The following KIF7 variants were observed in gnomAD, a reference collection of about 807,000 sequenced individuals.
KIF7 encodes the protein kinesin family member 7, also known as kinesin-like protein KIF7.
A neutral mutation model predicts 135.7 loss-of-function variants in KIF7; 104 were observed. The ratio of observed to expected loss-of-function variants is 0.77; its 90% CI spans 0.65 to 0.90. The LOEUF is 0.90. KIF7 is among the 40% of genes least tolerant of loss of function. KIF7 has a pLI of 0.00. For synonymous variants in KIF7, 883 were observed against 809.4 expected, an observed-to-expected ratio of 1.09 and a Z score of -1.54; for missense variants, 2,005 against 1,839.1, an observed-to-expected ratio of 1.09 and a Z score of -1.65.
At chr15:89,618,745 G>GC (rs1963375851) in intron 1 of KIF7, among the ~76,000 whole-genome samples, 1 of 152,210 alleles carries the variant, frequency 6.6e-6, no homozygotes, top group Admixed American at 6.5e-5. Flanking sequence ...AGGATCACTG[G>GC]CCAGGAGTTT....
chr15:89,622,304 C>CCCA (rs1261606915), intron 1 of KIF7, among the ~76,000 whole-genome samples: 2 of 151,842 alleles, frequency 1.3e-5, no homozygotes. Context: ...GACTCTTGTA[C>CCCA]CCACCCCCTC....
Position 89,649,014 on chromosome 15 carries a change from G to C in KIF7, c.883C>G (p.Arg295Gly). Residue 295 changes from arginine to glycine, a missense_variant, in exon 4 of 19, where the codon CGG (arginine) becomes GGG (glycine). Coordinates refer to ENST00000394412, the MANE Select transcript of KIF7 (RefSeq NM_198525.3). Reference protein sequence around the residue: ...VISALGDPQRRGSHIPYRDSK... With the variant: ...VISALGDPQRGGSHIPYRDSK... ...TCGCGGTAGGGTATGTGGCTGCCCC[G>C]GCGCTGAGGGTCCCCCAGGGCGCTG... The C allele has an allele frequency of 6.5e-7, 1 of 1,547,444 alleles. No individual in the cohort carries two copies. The highest frequency in any genetic ancestry group is 8.7e-7 in the Non-Finnish European group (1 of 1,146,418).
At position 89,648,253 on chromosome 15, in the gene KIF7, A is replaced by G. The variant is rs751900799; in HGVS notation, c.1443+2T>C. ...CACAACCACAACCTGTCCCTCGGCC[A>G]CCTTTCGCCCGCCGGCCCCCTGCGC... is the stretch of plus-strand genomic sequence containing the variant. On this transcript the variant is annotated splice_donor_variant, in intron 5 of 18. Transcript: ENST00000394412. LOFTEE classifies it high-confidence loss of function. 8.6e-6 allele frequency: 13 copies of G among 1,511,018 alleles called. No homozygotes were observed. The African/African-American group carries it at 1.7e-4, about 19-fold the overall frequency. 93.6% of individuals were successfully genotyped at this position (1,511,018 alleles called of 1,614,324 possible).
At chr15:89,625,502 G>T, downstream of KIF7, 1 of 1,613,916 alleles carries the variant, frequency 6.2e-7, no homozygotes. Context: ...AGCATCCACA[G>T]GACGCCCATC....
chr15:89,633,001 G>C lies in KIF7; in HGVS notation c.2719-5C>G. 8.9e-7 allele frequency: 1 copy of C among 1,119,332 alleles called. No individual in the cohort carries two copies. The highest frequency in any genetic ancestry group is 2.0e-4 in the Middle Eastern group (1 of 4,886). The allele number at this position is 1,119,332 out of a possible 1,614,324, so 69.3% of individuals were successfully genotyped here. ...CTTCTTCTGCTCCTCAATCTTCTAA[G>C]GAAAAGTAGGGAGGGAGGGAGGGAA... On this transcript the variant is annotated splice_region_variant and splice_polypyrimidine_tract_variant and intron_variant, in intron 13 of 18. Transcript: ENST00000394412.
At chr15:89,641,191 G>T (rs901125485) in intron 11 of KIF7, among the ~76,000 whole-genome samples, 48 of 151,876 alleles carry the variant, frequency 3.2e-4, no homozygotes, top group African/African-American at 1.1e-3. Context: ...TATGACCAGG[G>T]TCCTCATGAC....
At chr15:89,655,097 A>G (rs1448231474) in intron 1 of KIF7, among the ~76,000 whole-genome samples, 1 of 152,156 alleles carries the variant, frequency 6.6e-6, no homozygotes, top group African/African-American at 2.4e-5. Context: ...GAGCTCCATG[A>G]AAGTTGGAAG....
At chr15:89,625,381 G>A, downstream of KIF7, 1 of 1,613,966 alleles carries the variant, frequency 6.2e-7, no homozygotes, top group Non-Finnish European at 8.5e-7. Context: ...GAGGAAGAGG[G>A]CGGTGGGCTG....
At chr15:89,656,343 G>A (rs1964206801), upstream of KIF7, among the ~76,000 whole-genome samples, 1 of 151,638 alleles carries the variant, frequency 6.6e-6, no homozygotes, top group Non-Finnish European at 1.5e-5. Flanking sequence ...TTACCAAGGA[G>A]GTGGCCTTTT....
downstream of KIF7, chr15:89,627,092 A>G (rs1238689184): frequency 6.2e-7 from 1 of 1,613,898 alleles, no homozygotes; most frequent in East Asian, 2.2e-5. Flanking sequence ...TATAGCCACA[A>G]ACATTACTGA....
intron 2 of KIF7, among the ~76,000 whole-genome samples, chr15:89,652,354 G>A (rs1224110159): frequency 6.6e-6 from 1 of 152,134 alleles, no homozygotes; most frequent in Admixed American, 6.5e-5. Context: ...CCAGAGCCAG[G>A]CAGCATGGCG....
At chr15:89,644,767 C>T (rs1177168261) in intron 10 of KIF7, among the ~76,000 whole-genome samples, 3 of 152,206 alleles carry the variant, frequency 2.0e-5, no homozygotes, top group African/African-American at 7.2e-5. Flanking sequence ...ACTTCACCCT[C>T]ACAACACCCC....
At position 89,634,128 on chromosome 15, in the gene KIF7, GTC is replaced by G. The variant is rs568154181; in HGVS notation, c.2395-247_2395-246del. Among the ~76,000 whole-genome samples the G allele has an allele frequency of 1.2e-3, 187 of 152,238 alleles. 1 individual carries two copies. The highest frequency in any genetic ancestry group is 4.2e-3 in the African/African-American group (175 of 41,560). Reference sequence around the variant, plus strand: ...AACCTGGCCAACATAGTGAAATCCTGTCTCTACTAAAAATACAAAAATTAGCT... The same window carrying G: ...AACCTGGCCAACATAGTGAAATCCTGTCTACTAAAAATACAAAAATTAGCT... On this transcript the variant is annotated intron_variant, in intron 11 of 18. Transcript: ENST00000394412.
downstream of KIF7, chr15:89,627,166 A>G (rs148935549): frequency 2.6e-4 from 401 of 1,565,336 alleles, 2 homozygotes; most frequent in African/African-American, 4.8e-3. Context: ...GCCTGGTCCC[A>G]AGCCTCTTTT....
chr15:89,621,240 C>T (rs545035519), intron 1 of KIF7, among the ~76,000 whole-genome samples: 123 of 149,240 alleles, frequency 8.2e-4, no homozygotes, highest in South Asian at 1.3e-3. Context: ...AGGCTGGTCT[C>T]GAACTCCTGA....
rs137905815 is a variant in KIF7, at chr15:89,645,894, T to G, written c.1921A>C (p.Arg641=). Residue 641 remains arginine (R), a splice_region_variant and synonymous_variant, in exon 8 of 19, where the codon AGA becomes CGA. Coordinates refer to ENST00000394412, the MANE Select transcript of KIF7 (RefSeq NM_198525.3). ...GTGGGGGCAGTGGGTCCCACTCACC[T>G]GCGCAGGTGTAAGGTCCGCCTGGGC... ...EPPRRTLHLR[R]NRISNCSQRA... 9.3e-6 allele frequency: 15 copies of G among 1,613,302 alleles called. No individual in the cohort carries two copies. The African/African-American group carries it at 1.1e-4, about 11-fold the overall frequency.
rs768766154 is a variant in KIF7, at chr15:89,642,382, G to A, written c.2215C>T (p.Arg739Cys). ...TCCCGGATACGCTGGCTGTGCTGGC[G>A]GTTCAGGGCCTGAGCTGCCTTTCCT... The part of the protein sequence containing the change: ...RTGKAAQALN[R>C]QHSQRIRELE... Residue 739 changes from arginine to cysteine, a missense_variant, in exon 11 of 19, where the codon CGC (arginine) becomes TGC (cysteine). Transcript: ENST00000394412. 7 of 1,605,356 alleles carry A rather than the reference G, an allele frequency of 4.4e-6. No homozygotes were observed. The highest frequency in any genetic ancestry group is 3.3e-5 in the South Asian group (3 of 89,704).
Position 89,646,978 on chromosome 15 carries a change from C to A in KIF7, c.1640G>T (p.Gly547Val). Residue 547 changes from glycine (G) to valine (V), a missense_variant, in exon 7 of 19, where the codon GGC becomes GTC. By Grantham distance (109) the Gly-to-Val change is moderately radical (BLOSUM62 -3). Coordinates refer to ENST00000394412, the MANE Select transcript of KIF7 (RefSeq NM_198525.3). ...AGGCAGGCCATTCAGGAGCCGCGGGCCCCCCCAGCCTGGCCGCACCAGCTC... is the reference window on the plus strand; with the variant it reads ...AGGCAGGCCATTCAGGAGCCGCGGGACCCCCCAGCCTGGCCGCACCAGCTC... Reference protein sequence around the residue: ...RLELVRPGWGGPRLLNGLPPG... With the variant: ...RLELVRPGWGVPRLLNGLPPG... The A allele has an allele frequency of 6.2e-7, 1 of 1,612,560 alleles. No homozygotes were observed. The highest frequency in any genetic ancestry group is 8.5e-7 in the Non-Finnish European group (1 of 1,179,488).
rs151155363 is a variant in KIF7, at chr15:89,646,955, G to A, written c.1663C>T (p.Pro555Ser). 281 of 1,613,734 alleles carry A rather than the reference G, an allele frequency of 1.7e-4. 3 individuals carry two copies. In the East Asian group the frequency reaches 6.0e-3, roughly 34 times the overall value. The stretch of plus-strand genomic sequence containing the variant: ...GGTCGAGGCACAAAGGACCCGGGAG[G>A]CAGGCCATTCAGGAGCCGCGGGCCC... The part of the protein sequence containing the change: ...WGGPRLLNGL[P>S]PGSFVPRPHT... The change falls in exon 7 of 19, where the codon CCT becomes TCT. Residue 555 changes from proline (P) to serine (S), a missense_variant. Pro to Ser is a moderately conservative substitution (Grantham distance 74). Coordinates refer to ENST00000394412, the MANE Select transcript of KIF7 (RefSeq NM_198525.3).
Sources: gnomAD v4.1 joint callset for allele counts (sites outside exome capture counted in the v4.1 genomes callset) on GRCh38, gnomAD v4.1.1 for gene constraint, MANE v1.5 for transcripts, NCBI Gene and HGNC (gene_info 2026-07-23, HGNC 2026-07-21) for gene names.